Variants in PLAGL1 observed in about 807,000 individuals in gnomAD.
The protein encoded by PLAGL1 is PLAG1 like zinc finger 1.
Under a neutral mutation model 4.6 loss-of-function variants are expected in PLAGL1, and 1 was observed. The ratio of observed to expected loss-of-function variants is 0.22; its 90% confidence interval spans 0.08 to 1.03. The LOEUF (loss-of-function observed/expected upper bound fraction) is 1.03, where lower values mean the gene tolerates loss of function less well. Ranked by LOEUF, PLAGL1 falls within the 50% of genes least tolerant of loss-of-function variation. PLAGL1 has a pLI of 0.58. For missense variants in PLAGL1, 464 were observed against 570.4 expected (o/e 0.81, Z 1.90); for synonymous variants, 240 against 237.8 (o/e 1.01, Z -0.08).
intron 1 of PLAGL1, among the ~76,000 whole-genome samples, chr6:144,054,982 T>C (rs1007494712): frequency 6.6e-6 from 1 of 152,178 alleles, no homozygotes; most frequent in African/African-American, 2.4e-5. Context: ...TGTTTGGACA[T>C]GTACAAATTA....
intron 1 of PLAGL1, among the ~76,000 whole-genome samples, chr6:143,996,864 C>T (rs1791738738): frequency 6.6e-6 from 1 of 152,158 alleles, no homozygotes; most frequent in Non-Finnish European, 1.5e-5. Flanking sequence ...ACCCTTATCT[C>T]ACATCATACA....
rs775546330 is a variant in PLAGL1 at position 143,954,472 on chromosome 6, AG to A, written c.-325+5996del. Among the ~76,000 whole-genome samples the A allele has an allele frequency of 2.0e-5, 3 of 152,232 alleles. No individual in the cohort carries two copies. The highest frequency in any genetic ancestry group is 4.4e-5 in the Non-Finnish European group (3 of 68,036). On this transcript the variant is annotated intron_variant, in intron 6 of 7. Transcript: ENST00000674357. This position sits in a 1 kb window ranked among gnomAD's most constrained non-coding sequence, Gnocchi z 5.1. ...GACAGGCATTTGAGTCAAACTTGCA[AG>A]GGGAACACTTGAGAACCCAGAGAGC...
intron 1 of PLAGL1, among the ~76,000 whole-genome samples, chr6:144,003,690 C>T (rs1238004992): frequency 6.6e-6 from 1 of 150,946 alleles, no homozygotes; most frequent in Non-Finnish European, 1.5e-5. Context: ...AACATATACC[C>T]AAGAAAGATT....
Position 144,016,417 on chromosome 6 carries a change from T to C in PLAGL1, c.-150-47439A>G, listed in dbSNP as rs1251483004. Among the ~76,000 whole-genome samples the C allele has an allele frequency of 6.6e-6, 1 of 152,204 alleles. No individual in the cohort carries two copies. Among genetic ancestry groups the C allele is most frequent in the Non-Finnish European group, 1.5e-5 (1 of 68,036 alleles). ...GATCTGCCTTCCCCAGACCACTGACTCAAATATTAATCTCTTTTGGTAACA... is the reference window on the plus strand; with the variant it reads ...GATCTGCCTTCCCCAGACCACTGACCCAAATATTAATCTCTTTTGGTAACA... On this transcript the variant is annotated intron_variant, in intron 1 of 3. Transcript: ENST00000437412. This position sits in a 1 kb window ranked among gnomAD's most constrained non-coding sequence, Gnocchi z 4.2.
intron 1 of PLAGL1, among the ~76,000 whole-genome samples, chr6:144,057,291 G>A (rs933954730): frequency 5.9e-5 from 9 of 152,162 alleles, no homozygotes; most frequent in African/African-American, 2.2e-4. Flanking sequence ...TTAATAACCA[G>A]CAGTATTCTA....
Position 143,942,525 on chromosome 6 carries a change from C to T in PLAGL1, c.291G>A (p.Gly97=). 1 of 1,614,122 alleles carries T rather than the reference C, an allele frequency of 6.2e-7. No individual in the cohort carries two copies. The highest frequency in any genetic ancestry group is 8.5e-7 in the Non-Finnish European group (1 of 1,180,020). The change falls in exon 8 of 8, where the codon GGG becomes GGA. Residue 97 remains glycine (G), a synonymous_variant. Transcript: ENST00000674357. The surrounding 1 kb of genome is among the most constrained non-coding windows in gnomAD (Gnocchi z 7.6). Reference sequence around the variant, plus strand: ...AGCCCAGCATGGTGTTGTACTTCTTCCCACACTCCTCACACCCAAAGGCCA... The same window carrying T: ...AGCCCAGCATGGTGTTGTACTTCTTTCCACACTCCTCACACCCAAAGGCCA... The part of the protein sequence containing the change: ...NKMAFGCEEC[G]KKYNTMLGYK...
chr6:144,025,989 GAATA>G (rs1562585986), intron 1 of PLAGL1, among the ~76,000 whole-genome samples: 2 of 152,088 alleles, frequency 1.3e-5, no homozygotes, highest in African/African-American at 4.8e-5. Flanking sequence ...TATATAACAC[GAATA>G]CTAAGTAACA....
intron 1 of PLAGL1, among the ~76,000 whole-genome samples, chr6:144,054,398 C>T (rs943095257): frequency 2.0e-5 from 3 of 152,114 alleles, no homozygotes; most frequent in Non-Finnish European, 4.4e-5. Context: ...TACATATATA[C>T]CATAGAATAC....
intron 1 of PLAGL1, among the ~76,000 whole-genome samples, chr6:143,988,316 G>C (rs1409523198): frequency 6.6e-6 from 1 of 152,176 alleles, no homozygotes; most frequent in Non-Finnish European, 1.5e-5. Flanking sequence ...AATTCTTAGA[G>C]GATAAAGACT....
At chr6:143,977,543 G>A (rs1160338910) in intron 2 of PLAGL1, among the ~76,000 whole-genome samples, 2 of 138,372 alleles carry the variant, frequency 1.4e-5, no homozygotes, top group Admixed American at 7.8e-5. Context: ...GGGCAATCTC[G>A]GCTCACTGTA....
rs1782404604 is a variant in PLAGL1, at chr6:143,957,477, G to T, written c.-325+2992C>A. Reference sequence around the variant, plus strand: ...AGTCTCGCCTTTAGGCCCTTTTAGGGTCTGCTTCTATAGCTGATGGCGGTG... The same window carrying T: ...AGTCTCGCCTTTAGGCCCTTTTAGGTTCTGCTTCTATAGCTGATGGCGGTG... On this transcript the variant is annotated intron_variant, in intron 6 of 7. Coordinates refer to ENST00000674357, the MANE Select transcript of PLAGL1 (RefSeq NM_001317162.2). This position sits in a 1 kb window ranked among gnomAD's most constrained non-coding sequence, Gnocchi z 4.2. Among the ~76,000 whole-genome samples, 1 of 152,196 alleles carries T rather than the reference G, an allele frequency of 6.6e-6. No individual in the cohort carries two copies. Among genetic ancestry groups the T allele is most frequent in the African/African-American group, 2.4e-5 (1 of 41,450 alleles).
rs999532347 is a variant in PLAGL1, at chr6:143,964,398, A to G, written c.-399+389T>C. 3.9e-5 allele frequency among the ~76,000 whole-genome samples: 6 copies of G among 152,138 alleles called. No homozygotes were observed. Among genetic ancestry groups the G allele is most frequent in the African/African-American group, 7.2e-5 (3 of 41,434 alleles). On this transcript the variant is annotated intron_variant, in intron 5 of 7. Coordinates refer to ENST00000674357, the MANE Select transcript of PLAGL1 (RefSeq NM_001317162.2). This position sits in a 1 kb window ranked among gnomAD's most constrained non-coding sequence, Gnocchi z 4.3. ...CCATGGGGGAAGGGGAAGCACCTAA[A>G]TCTTACTGACATGAAATTTTCCTCT...
upstream of PLAGL1, among the ~76,000 whole-genome samples, chr6:144,009,744 C>T (rs1795007256): frequency 6.6e-6 from 1 of 151,100 alleles, no homozygotes. Context: ...GTTCAACTCC[C>T]ACTTATGAAT....
In PLAGL1 at chr6:144,022,488, G is replaced by A. The variant is rs1796040877; in HGVS notation, c.-151+41980C>T. Among the ~76,000 whole-genome samples the A allele has an allele frequency of 6.6e-6, 1 of 152,178 alleles. No homozygotes were observed. Among genetic ancestry groups the A allele is most frequent in the Non-Finnish European group, 1.5e-5 (1 of 68,038 alleles). ...AGACAGTTTGGCAATTTATTACAAA[G>A]CTAAACATAGTGATATGGTTTGGCT... is the stretch of plus-strand genomic sequence containing the variant. On this transcript the variant is annotated intron_variant, in intron 1 of 3. Coordinates refer to the PLAGL1 transcript ENST00000437412. The surrounding 1 kb of genome is among the most constrained non-coding windows in gnomAD (Gnocchi z 4.2).
In PLAGL1 at chr6:143,984,528, G is replaced by A. The variant is rs1490218065; in HGVS notation, c.-544+607C>T. 6.6e-6 allele frequency among the ~76,000 whole-genome samples: 1 copy of A among 152,062 alleles called. No individual in the cohort carries two copies. Among genetic ancestry groups the A allele is most frequent in the Admixed American group, 6.6e-5 (1 of 15,262 alleles). On this transcript the variant is annotated intron_variant, in intron 2 of 7. Coordinates refer to ENST00000674357, the MANE Select transcript of PLAGL1 (RefSeq NM_001317162.2). The surrounding 1 kb of genome is among the most constrained non-coding windows in gnomAD (Gnocchi z 5.5). The stretch of plus-strand genomic sequence containing the variant: ...TACTATCGGGAAGACTGTATTAGAG[G>A]TGCGTGTCTTCTTGGTGGCTTCAAA...
rs1778730717 is a variant in PLAGL1, at chr6:143,942,046, G to A, written c.770C>T (p.Pro257Leu). ...SAQNGLASSL[P>L]AEVHSLTLSP... is the part of the protein sequence containing the mutation. ...GAGGGTGAGGCTATGGACCTCAGCT[G>A]GCAAGCTACTTGCAAGCCCGTTCTG... The change falls in exon 8 of 8, where the codon CCA (proline) becomes CTA (leucine). Residue 257 changes from proline (P) to leucine (L), a missense_variant. This residue lies in a region of PLAGL1 where 248 missense variants were observed against 250.1 expected (regional missense o/e 0.99). Coordinates refer to ENST00000674357, the MANE Select transcript of PLAGL1 (RefSeq NM_001317162.2). The surrounding 1 kb of genome is among the most constrained non-coding windows in gnomAD (Gnocchi z 7.6). 6 of 1,608,596 alleles carry A rather than the reference G, an allele frequency of 3.7e-6. No individual in the cohort carries two copies. Among genetic ancestry groups the A allele is most frequent in the Non-Finnish European group, 5.1e-6 (6 of 1,177,176 alleles).
At chr6:143,999,626 G>A (rs775649752) in intron 1 of PLAGL1, among the ~76,000 whole-genome samples, 3 of 152,270 alleles carry the variant, frequency 2.0e-5, no homozygotes, top group South Asian at 2.1e-4. Context: ...CTAAGCTCTT[G>A]TGTAATGTTG....
At chr6:144,043,673 A>G (rs1797910083) in intron 1 of PLAGL1, among the ~76,000 whole-genome samples, 1 of 152,154 alleles carries the variant, frequency 6.6e-6, no homozygotes, top group Non-Finnish European at 1.5e-5. Flanking sequence ...CTTTGGTATC[A>G]GGATGATGCT....
chr6:143,941,374 T>C lies in PLAGL1; in HGVS notation c.*50A>G. On this transcript the variant is annotated 3_prime_UTR_variant, in exon 8 of 8. Transcript: ENST00000674357. The surrounding 1 kb of genome is among the most constrained non-coding windows in gnomAD (Gnocchi z 6.0). Reference sequence around the variant, plus strand: ...CTCATATTGTAACTGACATTTAAAATGCTTCTTAAAACATCTTCCAGAATA... The same window carrying C: ...CTCATATTGTAACTGACATTTAAAACGCTTCTTAAAACATCTTCCAGAATA... 1 of 1,388,072 alleles carries C rather than the reference T, an allele frequency of 7.2e-7. No individual in the cohort carries two copies. The highest frequency in any genetic ancestry group is 9.7e-7 in the Non-Finnish European group (1 of 1,031,104). 86.0% of individuals were successfully genotyped at this position (1,388,072 alleles called of 1,614,324 possible).
Sources: gnomAD v4.1 joint callset for allele counts (sites outside exome capture counted in the v4.1 genomes callset) on GRCh38, gnomAD v4.1.1 for gene constraint, gnomAD v4.1.1 regional missense constraint, Gnocchi (gnomAD v3.1) non-coding constraint, MANE v1.5 for transcripts, NCBI Gene and HGNC (gene_info 2026-07-23, HGNC 2026-07-21) for gene names.